The following FILIP1 variants were observed in gnomAD, a reference collection of about 807,000 sequenced individuals.
FILIP1 encodes filamin A interacting protein 1.
A neutral mutation model predicts 102.1 loss-of-function variants in FILIP1; 61 were observed. The ratio of observed to expected loss-of-function variants is 0.60; its 90% CI spans 0.49 to 0.74. The LOEUF is 0.74. Among genes scored for constraint, FILIP1 ranks in the 30% least tolerant of loss-of-function variants. FILIP1 has a pLI of 0.00. For missense variants in FILIP1, 1,314 were observed against 1,441.2 expected, an observed-to-expected ratio of 0.91 and a Z score of 1.43; for synonymous variants, 491 against 526.9, an observed-to-expected ratio of 0.93 and a Z score of 0.93.
At chr6:75,418,059 A>G (rs1455971444) in intron 1 of FILIP1, among the ~76,000 whole-genome samples, 1 of 152,174 alleles carries the variant, frequency 6.6e-6, no homozygotes, top group Non-Finnish European at 1.5e-5. Context: ...TTAGCTGGGC[A>G]TGGTGGCGTG....
intron 4 of FILIP1, among the ~76,000 whole-genome samples, chr6:75,325,027 CAA>C (rs1339105015): frequency 6.6e-6 from 1 of 152,070 alleles, no homozygotes; most frequent in Non-Finnish European, 1.5e-5. Flanking sequence ...TTGGCTTAGG[CAA>C]AGAGTTTATA....
At chr6:75,303,151 T>A (rs537905829), downstream of FILIP1, among the ~76,000 whole-genome samples, 3 of 152,182 alleles carry the variant, frequency 2.0e-5, no homozygotes, top group South Asian at 6.2e-4. Context: ...GGAGACTGAA[T>A]GGGTTAGATA....
chr6:75,372,683 AAG>A (rs1554204863), intron 2 of FILIP1, among the ~76,000 whole-genome samples: 5,205 of 46,570 alleles, frequency 0.11, 357 homozygotes, highest in African/African-American at 0.13. Context: ...GAAAGAAAGA[AAG>A]AGAAAGAAAG....
chr6:75,443,026 A>G (rs1465401142), intron 1 of FILIP1, among the ~76,000 whole-genome samples: 1 of 152,244 alleles, frequency 6.6e-6, no homozygotes, highest in Non-Finnish European at 1.5e-5. Context: ...TCTTGGAGTG[A>G]AAGTGTAAAG....
chr6:75,431,770 C>T (rs1043414828), intron 1 of FILIP1, among the ~76,000 whole-genome samples: 2 of 152,140 alleles, frequency 1.3e-5, no homozygotes, highest in Non-Finnish European at 1.5e-5. Flanking sequence ...GACCTAAACA[C>T]CCCTCTGTCC....
chr6:75,368,055 A>G (rs1775397541), intron 2 of FILIP1, among the ~76,000 whole-genome samples: 2 of 152,242 alleles, frequency 1.3e-5, no homozygotes, highest in Non-Finnish European at 2.9e-5. Flanking sequence ...TCCTGATGAT[A>G]GAGAACAAAT....
chr6:75,453,773 G>C (rs1204100798), intron 1 of FILIP1, among the ~76,000 whole-genome samples: 1 of 152,128 alleles, frequency 6.6e-6, no homozygotes, highest in Non-Finnish European at 1.5e-5. Flanking sequence ...GAACAGGCCA[G>C]AGCACTCTGG....
chr6:75,342,093 C>T (rs886138448), intron 4 of FILIP1, among the ~76,000 whole-genome samples: 12 of 152,208 alleles, frequency 7.9e-5, no homozygotes, highest in African/African-American at 2.7e-4. Context: ...TCCAAAGTCA[C>T]AGACCACAAG....
chr6:75,338,805 G>T (rs1774327580), intron 4 of FILIP1, among the ~76,000 whole-genome samples: 1 of 152,060 alleles, frequency 6.6e-6, no homozygotes, highest in Admixed American at 6.5e-5. Flanking sequence ...TGAAATAAAC[G>T]ATTAGATCAA....
intron 2 of FILIP1, among the ~76,000 whole-genome samples, chr6:75,363,418 T>C (rs1192956078): frequency 6.6e-6 from 1 of 152,216 alleles, no homozygotes; most frequent in African/African-American, 2.4e-5. Flanking sequence ...TCTCATTAGG[T>C]GATTCATTTT....
At chr6:75,487,146 C>G (rs1351407933) in intron 1 of FILIP1, among the ~76,000 whole-genome samples, 1 of 152,194 alleles carries the variant, frequency 6.6e-6, no homozygotes, top group Non-Finnish European at 1.5e-5. Context: ...GGCTGCTCTT[C>G]AAGCATGTGT....
In FILIP1 at chr6:75,314,919, G is replaced by T; in HGVS notation, c.913C>A (p.His305Asn). 6.2e-7 allele frequency: 1 copy of T among 1,614,136 alleles called. No homozygotes were observed. The highest frequency in any genetic ancestry group is 8.5e-7 in the Non-Finnish European group (1 of 1,180,022). ...TCTTGAGAAAACCTCGAAGCCTTGTGTTCAAAGTCCACTTCTAACTTGAGC... is the reference window on the plus strand; with the variant it reads ...TCTTGAGAAAACCTCGAAGCCTTGTTTTCAAAGTCCACTTCTAACTTGAGC... The part of the protein sequence containing the change: ...KLLKLEVDFE[H>N]KASRFSQEHE... The change falls in exon 5 of 6, where the codon CAC (histidine) becomes AAC (asparagine). Residue 305 changes from histidine to asparagine, a missense_variant. Around this residue, in one of 3 missense-constraint regions of FILIP1, gnomAD observed 494 missense variants for 511.2 expected, o/e 0.97. Coordinates refer to ENST00000237172, the MANE Select transcript of FILIP1 (RefSeq NM_015687.5).
At chr6:75,411,093 G>A (rs567837299) in intron 2 of FILIP1, among the ~76,000 whole-genome samples, 5 of 152,022 alleles carry the variant, frequency 3.3e-5, no homozygotes, top group African/African-American at 1.2e-4. Flanking sequence ...TTGTTTCCTG[G>A]CATTTTAATG....
chr6:75,454,164 T>G (rs1158598872), intron 1 of FILIP1, among the ~76,000 whole-genome samples: 4 of 152,146 alleles, frequency 2.6e-5, no homozygotes, highest in Admixed American at 2.0e-4. Context: ...CCAAGATCAT[T>G]CAGGTTGTTA....
chr6:75,312,296 T>G, intron 5 of FILIP1, 101 bp downstream of exon 5: 1 of 1,146,628 alleles, frequency 8.7e-7, no homozygotes, highest in Non-Finnish European at 1.2e-6. Flanking sequence ...TCAGGTAGCA[T>G]GAGAAGCATG....
intron 4 of FILIP1, among the ~76,000 whole-genome samples, chr6:75,320,295 G>C (rs1320215565): frequency 6.6e-6 from 1 of 152,206 alleles, no homozygotes; most frequent in Non-Finnish European, 1.5e-5. Flanking sequence ...GGTGGCTCAA[G>C]CCTGTAATCC....
At chr6:75,362,987 C>A in intron 2 of FILIP1, 70 bp from the exon 3 acceptor site, 1 of 1,474,336 alleles carries the variant, frequency 6.8e-7, no homozygotes, top group Non-Finnish European at 9.4e-7. Context: ...AAAAAATCAA[C>A]AGAGAGCTTA....
At chr6:75,376,989 T>A (rs1775772525) in intron 2 of FILIP1, among the ~76,000 whole-genome samples, 1 of 152,208 alleles carries the variant, frequency 6.6e-6, no homozygotes, top group African/African-American at 2.4e-5. Flanking sequence ...TCTAAACTTT[T>A]CTTAGTATTT....
intron 1 of FILIP1, among the ~76,000 whole-genome samples, chr6:75,438,634 T>TA (rs555526507): frequency 9.6e-5 from 14 of 146,166 alleles, no homozygotes; most frequent in South Asian, 2.2e-4. Context: ...TGGATTAGGC[T>TA]AAAAAAAAAA....
Sources: allele counts gnomAD v4.1 joint callset (sites outside exome capture counted in the v4.1 genomes callset), GRCh38; gene constraint gnomAD v4.1.1; regional missense constraint gnomAD v4.1.1; transcripts MANE v1.5; gene names NCBI Gene and HGNC (gene_info 2026-07-23, HGNC 2026-07-21).